The following NRG3 variants were observed in gnomAD, a reference collection of about 807,000 sequenced individuals.
The protein encoded by NRG3 is neuregulin 3.
In NRG3, 31 loss-of-function variants were observed where a neutral mutation model predicts 66.9. The observed-to-expected ratio is 0.46, with a 90% CI of 0.35 to 0.63. The LOEUF is 0.63. Among genes scored for constraint, NRG3 ranks in the 20% least tolerant of loss-of-function variants. The pLI, the probability that NRG3 is intolerant of heterozygous loss-of-function variation, is 0.00. For missense variants in NRG3, 910 were observed against 878.9 expected, an observed-to-expected ratio of 1.04 and a Z score of -0.45; for synonymous variants, 393 against 359.4, an observed-to-expected ratio of 1.09 and a Z score of -1.06.
intron 1 of NRG3, among the ~76,000 whole-genome samples, chr10:82,077,273 C>T (rs1428283226): frequency 6.6e-6 from 1 of 152,146 alleles, no homozygotes; most frequent in Non-Finnish European, 1.5e-5. Flanking sequence ...CATCAGCACT[C>T]TTTGACACTT....
At chr10:82,817,690 A>G (rs2061772213) in intron 3 of NRG3, among the ~76,000 whole-genome samples, 1 of 152,196 alleles carries the variant, frequency 6.6e-6, no homozygotes, top group Non-Finnish European at 1.5e-5. Context: ...GTTTGCCAGG[A>G]TATTACACTA....
intron 4 of NRG3, among the ~76,000 whole-genome samples, chr10:82,872,752 T>A (rs1841456504): frequency 6.7e-6 from 1 of 149,994 alleles, no homozygotes; most frequent in Non-Finnish European, 1.5e-5. Context: ...AAGAAAGCAA[T>A]TGAATGGGCT....
rs200848820 is a variant in NRG3, at chr10:82,849,433, C to T, written c.1028-15978C>T. ...TGTTATGGAAGCCCTAGATAACTAA[C>T]ACACAGTGAAGCCCCTGCCTCACAG... On this transcript the variant is annotated intron_variant, in intron 3 of 8. Transcript: ENST00000372141. Among the ~76,000 whole-genome samples, 10 of 152,318 alleles carry T rather than the reference C, an allele frequency of 6.6e-5. No homozygotes were observed. In the East Asian group the frequency reaches 1.9e-3, roughly 29 times the overall value.
intron 4 of NRG3, among the ~76,000 whole-genome samples, chr10:82,895,903 T>C (rs977037799): frequency 6.6e-6 from 1 of 152,216 alleles, no homozygotes; most frequent in African/African-American, 2.4e-5. Flanking sequence ...TGTTGGTAAA[T>C]TATAGATAAT....
At chr10:82,556,432 A>C (rs906795686) in intron 2 of NRG3, among the ~76,000 whole-genome samples, 1 of 152,104 alleles carries the variant, frequency 6.6e-6, no homozygotes, top group African/African-American at 2.4e-5. Flanking sequence ...TAAGGACTTC[A>C]TCTCTCTCAG....
At chr10:82,685,542 T>A (rs534925106) in intron 2 of NRG3, among the ~76,000 whole-genome samples, 1 of 152,334 alleles carries the variant, frequency 6.6e-6, no homozygotes, top group South Asian at 2.1e-4. Flanking sequence ...CTGTACACTC[T>A]GTAGACTTTA....
At chr10:82,520,023 T>C (rs1040157917) in intron 2 of NRG3, among the ~76,000 whole-genome samples, 1 of 151,996 alleles carries the variant, frequency 6.6e-6, no homozygotes, top group African/African-American at 2.4e-5. Flanking sequence ...GTAGTTTAAA[T>C]GAATATGATG....
intron 2 of NRG3, among the ~76,000 whole-genome samples, chr10:82,421,951 A>G (rs2089111583): frequency 6.6e-6 from 1 of 152,126 alleles, no homozygotes; most frequent in African/African-American, 2.4e-5. Flanking sequence ...AGGGAAAATA[A>G]ACCCATCAAG....
intron 5 of NRG3, among the ~76,000 whole-genome samples, chr10:82,957,649 T>A (rs1447531068): frequency 6.6e-6 from 1 of 151,876 alleles, no homozygotes; most frequent in Non-Finnish European, 1.5e-5. Flanking sequence ...AAAATAGTTC[T>A]GCAAGGACAT....
At chr10:82,106,781 A>C (rs2067091444) in intron 1 of NRG3, among the ~76,000 whole-genome samples, 1 of 152,100 alleles carries the variant, frequency 6.6e-6, no homozygotes, top group Non-Finnish European at 1.5e-5. Context: ...ACTGGGATTT[A>C]CAGGTGCGAG....
chr10:82,031,673 T>G (rs971641845), intron 1 of NRG3, among the ~76,000 whole-genome samples: 1 of 152,096 alleles, frequency 6.6e-6, no homozygotes, highest in Non-Finnish European at 1.5e-5. Context: ...ATAACAGTGA[T>G]AGTCCTCCTG....
chr10:82,936,777 C>T (rs1420770870), intron 4 of NRG3, among the ~76,000 whole-genome samples: 1 of 151,932 alleles, frequency 6.6e-6, no homozygotes, highest in Non-Finnish European at 1.5e-5. Flanking sequence ...ATTAAAAAGA[C>T]ACTATGAGCA....
At chr10:82,605,923 G>T (rs2047937314) in intron 2 of NRG3, among the ~76,000 whole-genome samples, 1 of 151,858 alleles carries the variant, frequency 6.6e-6, no homozygotes, top group Non-Finnish European at 1.5e-5. Context: ...TCTAATAATA[G>T]TTGTCTTTCT....
At chr10:82,938,433 T>C (rs999357953) in intron 4 of NRG3, among the ~76,000 whole-genome samples, 11 of 152,204 alleles carry the variant, frequency 7.2e-5, no homozygotes, top group Admixed American at 2.6e-4. Flanking sequence ...CAGTCTGATA[T>C]CCACCTGACT....
chr10:82,035,604 A>G (rs1015434069), intron 1 of NRG3, among the ~76,000 whole-genome samples: 4 of 152,110 alleles, frequency 2.6e-5, no homozygotes, highest in Non-Finnish European at 5.9e-5. Context: ...GTATGAATCT[A>G]TCCAAATATT....
Position 82,116,089 on chromosome 10 carries a change from A to G in NRG3, c.823+239926A>G, listed in dbSNP as rs149937654. Among the ~76,000 whole-genome samples the G allele has an allele frequency of 3.2e-4, 48 of 152,238 alleles. 1 individual carries two copies. The East Asian group carries it at 8.9e-3, about 28-fold the overall frequency. On this transcript the variant is annotated intron_variant, in intron 1 of 8. Coordinates refer to ENST00000372141, the MANE Select transcript of NRG3 (RefSeq NM_001010848.4). Reference sequence around the variant, plus strand: ...TTTTGTACAAGTAGATACTTTTATAACCCATCATATTTTAACCTCAACAAA... The same window carrying G: ...TTTTGTACAAGTAGATACTTTTATAGCCCATCATATTTTAACCTCAACAAA...
At chr10:82,721,490 T>C (rs1449940218) in intron 2 of NRG3, among the ~76,000 whole-genome samples, 1 of 151,794 alleles carries the variant, frequency 6.6e-6, no homozygotes, top group African/African-American at 2.4e-5. Flanking sequence ...TGGCACGATC[T>C]TGGCTCACTG....
At chr10:82,038,478 G>A (rs2062890738) in intron 1 of NRG3, among the ~76,000 whole-genome samples, 1 of 152,092 alleles carries the variant, frequency 6.6e-6, no homozygotes, top group South Asian at 2.1e-4. Context: ...CTCAAGAAAA[G>A]GGGCAATGCT....
chr10:82,727,510 G>GTA (rs1266789514), intron 2 of NRG3, among the ~76,000 whole-genome samples: 1 of 152,236 alleles, frequency 6.6e-6, no homozygotes, highest in East Asian at 1.9e-4. Flanking sequence ...GAGCCTGCAG[G>GTA]TACACAAAAG....
Sources: allele counts gnomAD v4.1 joint callset (sites outside exome capture counted in the v4.1 genomes callset), GRCh38; gene constraint gnomAD v4.1.1; transcripts MANE v1.5; gene names NCBI Gene and HGNC (gene_info 2026-07-23, HGNC 2026-07-21).